Variants in PDSS2 observed in about 807,000 individuals in gnomAD.
The protein encoded by PDSS2 is decaprenyl diphosphate synthase subunit 2.
PDSS2 carries 31 observed loss-of-function variants against 44.5 expected under a neutral mutation model. The ratio of observed to expected loss-of-function variants is 0.70; its 90% CI spans 0.52 to 0.94. The LOEUF (loss-of-function observed/expected upper bound fraction) is 0.94. Ranked by LOEUF, PDSS2 falls within the 40% of genes least tolerant of loss-of-function variation. PDSS2 has a pLI of 0.00. For missense variants in PDSS2, 452 were observed against 482.2 expected, an observed-to-expected ratio of 0.94 and a Z score of 0.59; for synonymous variants, 157 against 180.3, an observed-to-expected ratio of 0.87 and a Z score of 1.03.
chr6:107,159,593 T>C (rs1177157429), intron 7 of PDSS2, among the ~76,000 whole-genome samples: 1 of 151,674 alleles, frequency 6.6e-6, no homozygotes, highest in Non-Finnish European at 1.5e-5. Context: ...ATTTTTTGTA[T>C]TTTTTTAGTA....
At chr6:107,273,788 A>G (rs1562425543) in intron 3 of PDSS2, among the ~76,000 whole-genome samples, 1 of 148,792 alleles carries the variant, frequency 6.7e-6, no homozygotes. Context: ...ATTTAACCCT[A>G]TCCTATAATT....
chr6:107,253,208 G>T (rs1774884150), intron 3 of PDSS2, among the ~76,000 whole-genome samples: 1 of 151,734 alleles, frequency 6.6e-6, no homozygotes, highest in South Asian at 2.1e-4. Context: ...GCTAATTTTT[G>T]TATTTTTTTT....
intron 7 of PDSS2, among the ~76,000 whole-genome samples, chr6:107,170,269 T>C (rs567066118): frequency 6.6e-6 from 1 of 152,320 alleles, no homozygotes; most frequent in South Asian, 2.1e-4. Context: ...CGTGGGATCC[T>C]CTGAGCCAGG....
chr6:107,187,848 C>T (rs9386622), intron 7 of PDSS2, among the ~76,000 whole-genome samples: 37,069 of 152,070 alleles, frequency 0.24, 5,554 homozygotes, highest in East Asian at 0.54. Context: ...GCAAGGCCAC[C>T]GAAGCACCTG....
intron 3 of PDSS2, among the ~76,000 whole-genome samples, chr6:107,262,753 C>T (rs1217061560): frequency 6.6e-6 from 1 of 150,996 alleles, no homozygotes; most frequent in Non-Finnish European, 1.5e-5. Context: ...GCCTGGGTGA[C>T]AGAATGAGAC....
intron 6 of PDSS2, among the ~76,000 whole-genome samples, chr6:107,205,778 A>G (rs184134191): frequency 6.6e-6 from 1 of 152,246 alleles, no homozygotes; most frequent in East Asian, 1.9e-4. Context: ...ATTTTTCAGG[A>G]GAAAGGAGCT....
intron 1 of PDSS2, among the ~76,000 whole-genome samples, chr6:107,458,028 A>AT (rs1207383962): frequency 3.3e-5 from 5 of 152,196 alleles, no homozygotes; most frequent in African/African-American, 4.8e-5. Flanking sequence ...ATCTGTGTGT[A>AT]TATGTATTTA....
intron 1 of PDSS2, among the ~76,000 whole-genome samples, chr6:107,388,488 G>T (rs1424257176): frequency 2.1e-5 from 3 of 141,160 alleles, no homozygotes; most frequent in Non-Finnish European, 4.5e-5. Flanking sequence ...TCGCTCTGTC[G>T]CCCAGGCTGG....
intron 1 of PDSS2, among the ~76,000 whole-genome samples, chr6:107,413,911 T>C (rs1213479366): frequency 6.6e-6 from 1 of 152,082 alleles, no homozygotes; most frequent in Non-Finnish European, 1.5e-5. Context: ...TGGGATAAAC[T>C]GGAGAGAGAA....
At chr6:107,259,339 A>G (rs1227178155) in intron 3 of PDSS2, among the ~76,000 whole-genome samples, 2 of 152,102 alleles carry the variant, frequency 1.3e-5, no homozygotes, top group Admixed American at 6.6e-5. Context: ...TTCAATGTTA[A>G]ATGGCTTATT....
intron 1 of PDSS2, among the ~76,000 whole-genome samples, chr6:107,423,170 T>C (rs762011940): frequency 2.0e-5 from 3 of 152,192 alleles, no homozygotes; most frequent in Non-Finnish European, 2.9e-5. Flanking sequence ...ATCTCTGTTA[T>C]ATCTAGTTGT....
chr6:107,403,749 T>C (rs1780218721), intron 1 of PDSS2, among the ~76,000 whole-genome samples: 1 of 152,198 alleles, frequency 6.6e-6, no homozygotes, highest in Non-Finnish European at 1.5e-5. Context: ...GCGGCTGGGA[T>C]GCAGGGCACC....
chr6:107,300,112 A>C (rs556702083), intron 2 of PDSS2, among the ~76,000 whole-genome samples: 34 of 152,286 alleles, frequency 2.2e-4, no homozygotes, highest in African/African-American at 8.2e-4. Context: ...CCTGCACTTC[A>C]GGCCTACATT....
At chr6:107,384,340 C>A (rs751883264) in intron 1 of PDSS2, among the ~76,000 whole-genome samples, 6 of 152,072 alleles carry the variant, frequency 3.9e-5, no homozygotes, top group Non-Finnish European at 8.8e-5. Flanking sequence ...TCTGTAAATA[C>A]ACTAAAACCC....
chr6:107,457,154 C>A (rs17583830), intron 1 of PDSS2, among the ~76,000 whole-genome samples: 10,110 of 152,162 alleles, frequency 0.066, 417 homozygotes, highest in Non-Finnish European at 0.092. Flanking sequence ...AAGAAAATGA[C>A]AGGTGCCTCG....
chr6:107,271,364 G>T (rs1172839287), intron 3 of PDSS2, among the ~76,000 whole-genome samples: 2 of 152,138 alleles, frequency 1.3e-5, no homozygotes. Flanking sequence ...CAATAAAATA[G>T]TTATAGATTT....
intron 2 of PDSS2, 88 bp from the exon 3 acceptor site, chr6:107,274,315 C>G: frequency 1.9e-6 from 2 of 1,050,630 alleles, no homozygotes; most frequent in Non-Finnish European, 2.9e-6. Context: ...ATAAAATATT[C>G]CATAGGTTGC....
chr6:107,221,734 T>C (rs1195568873), intron 4 of PDSS2, among the ~76,000 whole-genome samples: 1 of 152,212 alleles, frequency 6.6e-6, no homozygotes. Context: ...GCTTTTCTAA[T>C]GGTGGTGAGA....
chr6:107,190,741 A>G (rs1484709269), intron 7 of PDSS2, among the ~76,000 whole-genome samples: 1 of 152,208 alleles, frequency 6.6e-6, no homozygotes, highest in African/African-American at 2.4e-5. Flanking sequence ...GTGAAGGCGC[A>G]GAGAACAGAA....
Sources: gnomAD v4.1 joint callset for allele counts (sites outside exome capture counted in the v4.1 genomes callset) on GRCh38, gnomAD v4.1.1 for gene constraint, MANE v1.5 for transcripts, NCBI Gene and HGNC (gene_info 2026-07-23, HGNC 2026-07-21) for gene names.